SCHIP1: variants seen among roughly 807,000 people sequenced by gnomAD.
SCHIP1 encodes schwannomin-interacting protein 1.
In SCHIP1, 8 loss-of-function variants were observed where a neutral mutation model predicts 29.7. The ratio of observed to expected loss-of-function variants is 0.27; its 90% CI spans 0.16 to 0.49. The LOEUF (loss-of-function observed/expected upper bound fraction) is 0.49, where lower values mean the gene tolerates loss of function less well. SCHIP1 is among the 20% of genes least tolerant of loss of function. The probability of loss-of-function intolerance (pLI) is 0.99; values close to 1 mark genes in which losing one functional copy is unlikely to be tolerated. For missense variants in SCHIP1, 193 were observed against 294.6 expected (o/e 0.66, Z 2.52); for synonymous variants, 76 against 94.9 (o/e 0.80, Z 1.16).
chr3:159,386,762 C>T, the SCHIP1 span: 1 of 152,354 alleles, frequency 6.6e-6, no homozygotes, highest in Non-Finnish European at 1.5e-5. Context: ...AACACTATGT[C>T]ATGGCCATAG....
the SCHIP1 span, among the ~76,000 whole-genome samples, chr3:159,735,244 T>G: frequency 1.6e-4 from 25 of 151,952 alleles, no homozygotes; most frequent in African/African-American, 5.8e-4. Flanking sequence ...TTTTTTTTTT[T>G]TCTGAGATGG....
the SCHIP1 span, among the ~76,000 whole-genome samples, chr3:159,607,999 G>C: frequency 0.043 from 6,505 of 152,196 alleles, 302 homozygotes; most frequent in African/African-American, 0.12. Flanking sequence ...GACCCTGGGA[G>C]CTGTGAGGGA....
At chr3:159,498,556 T>A in the SCHIP1 span, among the ~76,000 whole-genome samples, 1 of 152,162 alleles carries the variant, frequency 6.6e-6, no homozygotes, top group South Asian at 2.1e-4. Flanking sequence ...GGTGGATTCT[T>A]TACATGGAAG....
At chr3:159,851,071 C>G (rs555046191) in intron 1 of SCHIP1, among the ~76,000 whole-genome samples, 3 of 152,284 alleles carry the variant, frequency 2.0e-5, no homozygotes, top group African/African-American at 7.2e-5. Flanking sequence ...CCCAGGAGCT[C>G]AAGACCAGCC....
the SCHIP1 span, among the ~76,000 whole-genome samples, chr3:159,355,263 A>G: frequency 2.0e-5 from 3 of 152,156 alleles, no homozygotes; most frequent in Non-Finnish European, 4.4e-5. Flanking sequence ...GAGTTTAAAG[A>G]AATGAGCAAA....
At chr3:159,358,533 A>G in the SCHIP1 span, among the ~76,000 whole-genome samples, 2 of 152,212 alleles carry the variant, frequency 1.3e-5, no homozygotes, top group Non-Finnish European at 2.9e-5. Context: ...CAGGTGCTGC[A>G]GGGGCTGGTG....
At chr3:159,575,347 C>T in the SCHIP1 span, among the ~76,000 whole-genome samples, 1 of 151,960 alleles carries the variant, frequency 6.6e-6, no homozygotes, top group Non-Finnish European at 1.5e-5. Flanking sequence ...GCTTTTTTCC[C>T]CCACTTCTTT....
the SCHIP1 span, among the ~76,000 whole-genome samples, chr3:159,278,788 G>A: frequency 6.6e-6 from 1 of 152,134 alleles, no homozygotes. Flanking sequence ...CTGTAACGAA[G>A]GGATCCCCAA....
intron 2 of SCHIP1, 29 bp downstream of exon 3, chr3:159,866,310 A>G (rs753418951): frequency 6.3e-7 from 1 of 1,589,466 alleles, no homozygotes; most frequent in Non-Finnish European, 8.6e-7. Context: ...TGAATTTCTG[A>G]TATGTACACA....
the SCHIP1 span, among the ~76,000 whole-genome samples, chr3:159,336,705 C>A: frequency 2.9e-4 from 44 of 152,248 alleles, no homozygotes; most frequent in African/African-American, 9.6e-4. Context: ...TGGTCTATAT[C>A]TCTGTTTTGG....
intron 1 of SCHIP1, among the ~76,000 whole-genome samples, chr3:159,848,626 C>G (rs986257041): frequency 6.6e-6 from 1 of 151,720 alleles, no homozygotes; most frequent in African/African-American, 2.4e-5. Flanking sequence ...TAGAGCAACC[C>G]TTCTACACTT....
the SCHIP1 span, among the ~76,000 whole-genome samples, chr3:159,428,194 T>A: frequency 6.6e-6 from 1 of 151,866 alleles, no homozygotes; most frequent in Non-Finnish European, 1.5e-5. Flanking sequence ...AATTGACAAA[T>A]GGGATCTAAT....
At chr3:159,755,545 C>T in the SCHIP1 span, among the ~76,000 whole-genome samples, 1,053 of 152,262 alleles carry the variant, frequency 6.9e-3, 9 homozygotes, top group Non-Finnish European at 0.012. Context: ...GACACAGAAC[C>T]AAACAATATC....
the SCHIP1 span, chr3:159,722,129 T>A: frequency 3.5e-6 from 1 of 283,154 alleles, no homozygotes; most frequent in Non-Finnish European, 6.9e-6. Flanking sequence ...TCCCTTTTGT[T>A]TAGTTTCTTT....
At chr3:159,767,430 G>A in the SCHIP1 span, among the ~76,000 whole-genome samples, 8 of 152,168 alleles carry the variant, frequency 5.3e-5, no homozygotes, top group Non-Finnish European at 7.4e-5. Context: ...CCTGGAGTAC[G>A]TAAGGGAATT....
intron 1 of SCHIP1, among the ~76,000 whole-genome samples, chr3:159,855,797 G>A (rs763561393): frequency 6.6e-6 from 1 of 152,112 alleles, no homozygotes; most frequent in Non-Finnish European, 1.5e-5. Flanking sequence ...TACCACATGT[G>A]TATAGGGATT....
the SCHIP1 span, among the ~76,000 whole-genome samples, chr3:159,509,120 T>A: frequency 3.9e-5 from 6 of 152,328 alleles, no homozygotes; most frequent in East Asian, 1.9e-4. Flanking sequence ...TTTGTAGGTC[T>A]CTAAGGACTT....
chr3:159,496,615 GA>G, the SCHIP1 span, among the ~76,000 whole-genome samples: 1 of 152,194 alleles, frequency 6.6e-6, no homozygotes, highest in South Asian at 2.1e-4. Context: ...ACAGGTGCTG[GA>G]GAGGATGTGG....
At chr3:159,866,665 C>G (rs1278589220) in intron 2 of SCHIP1, among the ~76,000 whole-genome samples, 2 of 152,146 alleles carry the variant, frequency 1.3e-5, no homozygotes, top group East Asian at 3.8e-4. Flanking sequence ...AATCACCCCC[C>G]TGACACATTT....
Sources: gnomAD v4.1 joint callset for allele counts (sites outside exome capture counted in the v4.1 genomes callset) on GRCh38, gnomAD v4.1.1 for gene constraint, MANE v1.5 for transcripts, NCBI Gene and HGNC (gene_info 2026-07-23, HGNC 2026-07-21) for gene names.